The following GCFC2 variants were observed in gnomAD, a reference collection of about 807,000 sequenced individuals.
GCFC2 encodes the protein intron Large complex component GCFC2.
GCFC2 carries 102 observed loss-of-function variants against 99.4 expected under a neutral mutation model. The ratio of observed to expected loss-of-function variants is 1.03; its 90% CI spans 0.87 to 1.21. The LOEUF (loss-of-function observed/expected upper bound fraction) is 1.21. GCFC2 is among the 50% of genes most tolerant of loss of function. The pLI is 0.00. For missense variants in GCFC2, 973 were observed against 920.9 expected (o/e 1.06, Z -0.73); for synonymous variants, 338 against 316.8 (o/e 1.07, Z -0.71).
At chr2:75,711,568 A>G (rs1681184837), upstream of GCFC2, among the ~76,000 whole-genome samples, 1 of 152,240 alleles carries the variant, frequency 6.6e-6, no homozygotes, top group Admixed American at 6.5e-5. Flanking sequence ...GCTACTGCAC[A>G]CCTGTTATCA....
At position 75,666,063 on chromosome 2, in the gene GCFC2, A is replaced by G; in HGVS notation, c.2104-10T>C. The G allele has an allele frequency of 6.3e-7, 1 of 1,597,430 alleles. No individual in the cohort carries two copies. Among genetic ancestry groups the G allele is most frequent in the Non-Finnish European group, 8.5e-7 (1 of 1,171,116 alleles). On this transcript the variant is annotated splice_polypyrimidine_tract_variant and intron_variant, in intron 15 of 16. Coordinates refer to ENST00000321027, the MANE Select transcript of GCFC2 (RefSeq NM_003203.5). The stretch of plus-strand genomic sequence containing the variant: ...GTAGACATGCTGCTACCTGTTAATC[A>G]AAACACATGGCTGGTTTACAATGAC...
chr2:75,710,615 C>G lies in GCFC2; in HGVS notation c.241G>C (p.Ala81Pro). ...WASSRRATKAAPRADEGSESR... is the reference protein window; with the variant it reads ...WASSRRATKAPPRADEGSESR... ...CCTGAGCCTTCGTCCGCGCGGGGAG[C>G]CGCTTTGGTGGCACGCCGGGAGCTC... The change falls in exon 1 of 17, where the codon GCT becomes CCT. Residue 81 changes from alanine to proline, a missense_variant. Coordinates refer to ENST00000321027, the MANE Select transcript of GCFC2 (RefSeq NM_003203.5). The G allele has an allele frequency of 6.6e-7, 1 of 1,514,442 alleles. No homozygotes were observed. The highest frequency in any genetic ancestry group is 8.8e-7 in the Non-Finnish European group (1 of 1,138,264). 93.8% of individuals were successfully genotyped at this position (1,514,442 alleles called of 1,614,324 possible).
At chr2:75,712,819 A>T (rs547565303), upstream of GCFC2, among the ~76,000 whole-genome samples, 230 of 152,304 alleles carry the variant, frequency 1.5e-3, 2 homozygotes, top group Non-Finnish European at 2.7e-3. Context: ...GCTCACCGCG[A>T]GGGTCCGCAG....
chr2:75,669,969 C>G, intron 15 of GCFC2, 169 bp downstream of exon 15: 1 of 455,076 alleles, frequency 2.2e-6, no homozygotes, highest in African/African-American at 2.0e-5. Flanking sequence ...ACGCAATCCG[C>G]CTGCCTCAGC....
chr2:75,669,914 G>A (rs748980287), intron 15 of GCFC2: 63 of 305,284 alleles, frequency 2.1e-4, no homozygotes, highest in Non-Finnish European at 2.8e-4. Context: ...TAGTAGAGAC[G>A]GAGTTTCACC....
upstream of GCFC2, among the ~76,000 whole-genome samples, chr2:75,712,583 C>G (rs1345727930): frequency 1.3e-4 from 20 of 152,178 alleles, no homozygotes; most frequent in Non-Finnish European, 2.8e-4. Context: ...CTCCGGTCCC[C>G]TTCCACAGTG....
intron 4 of GCFC2, among the ~76,000 whole-genome samples, chr2:75,698,414 A>C: frequency 6.6e-6 from 1 of 152,232 alleles, no homozygotes; most frequent in East Asian, 1.9e-4. Flanking sequence ...TCAGATTGCA[A>C]ATAACCTAAA....
chr2:75,674,846 T>C lies in GCFC2; in HGVS notation c.1813-1326A>G, dbSNP rs554707291. Among the ~76,000 whole-genome samples the C allele has an allele frequency of 3.3e-5, 5 of 152,198 alleles. No individual in the cohort carries two copies. In the East Asian group the frequency reaches 9.7e-4, roughly 29 times the overall value. On this transcript the variant is annotated intron_variant, in intron 12 of 16. Coordinates refer to ENST00000321027, the MANE Select transcript of GCFC2 (RefSeq NM_003203.5). Reference sequence around the variant, plus strand: ...CTATAACATATTCCTCAAGTGGCCATATATCAACATTTATTTAATGTTAAA... The same window carrying C: ...CTATAACATATTCCTCAAGTGGCCACATATCAACATTTATTTAATGTTAAA...
chr2:75,699,999 C>T (rs1680510087), intron 4 of GCFC2, among the ~76,000 whole-genome samples: 1 of 151,798 alleles, frequency 6.6e-6, no homozygotes, highest in Non-Finnish European at 1.5e-5. Context: ...CTCCTGGGCT[C>T]AAGCAATCCT....
intron 3 of GCFC2, chr2:75,701,715 ATTAT>A (rs1192937101): frequency 1.9e-5 from 5 of 262,688 alleles, no homozygotes; most frequent in Admixed American, 1.3e-4. Flanking sequence ...TGAAAAAAAT[ATTAT>A]TTAAAGTTAC....
Position 75,667,625 on chromosome 2 carries a change from T to G in GCFC2, c.2104-1572A>C, listed in dbSNP as rs113861694. 2.5e-3 allele frequency among the ~76,000 whole-genome samples: 378 copies of G among 152,334 alleles called. 2 individuals are homozygous for G. The highest frequency in any genetic ancestry group is 0.01 in the Middle Eastern group (3 of 294). ...AAGTTTTAAAACCACCCTTTACTATTGAATGTCATTTGCACTTGTTTTCCC... is the reference window on the plus strand; with the variant it reads ...AAGTTTTAAAACCACCCTTTACTATGGAATGTCATTTGCACTTGTTTTCCC... On this transcript the variant is annotated intron_variant, in intron 15 of 16. Coordinates refer to ENST00000321027, the MANE Select transcript of GCFC2 (RefSeq NM_003203.5).
chr2:75,670,835 G>A (rs1045252600), intron 14 of GCFC2: 6 of 152,586 alleles, frequency 3.9e-5, no homozygotes, highest in African/African-American at 1.4e-4. Context: ...ATTTTAAGGT[G>A]TTTCTTTTTT....
chr2:75,668,183 C>T (rs1023218639), intron 15 of GCFC2, among the ~76,000 whole-genome samples: 2 of 151,860 alleles, frequency 1.3e-5, no homozygotes, highest in African/African-American at 4.8e-5. Context: ...CTCTTTGTAC[C>T]AGGGCCCACT....
intron 4 of GCFC2, among the ~76,000 whole-genome samples, chr2:75,698,299 G>C (rs533688397): frequency 6.6e-6 from 1 of 151,990 alleles, no homozygotes; most frequent in African/African-American, 2.4e-5. Context: ...ACAACTCTTG[G>C]CAATTATTAC....
chr2:75,700,221 C>T (rs1040572480), intron 4 of GCFC2, among the ~76,000 whole-genome samples: 2 of 151,976 alleles, frequency 1.3e-5, no homozygotes, highest in African/African-American at 4.8e-5. Flanking sequence ...ACCAAGACCC[C>T]TATTGTTGGA....
At chr2:75,670,397 T>C in intron 14 of GCFC2, 113 bp from the exon 15 acceptor site, 2 of 648,608 alleles carry the variant, frequency 3.1e-6, no homozygotes, top group African/African-American at 1.8e-5. Flanking sequence ...ATTAGCCCTG[T>C]TGGAACTGTC....
Position 75,671,944 on chromosome 2 carries a change from G to T in GCFC2, c.1956+6C>A. ...TTGCCTTTTCATTTTTGCAGTTTTT[G>T]CTCACCTTTAGGCCTGACCAGAACT... is the stretch of plus-strand genomic sequence containing the variant. On this transcript the variant is annotated splice_donor_region_variant and intron_variant, in intron 14 of 16. Transcript: ENST00000321027. 2.0e-6 allele frequency: 3 copies of T among 1,525,256 alleles called. No individual in the cohort carries two copies. Among genetic ancestry groups the T allele is most frequent in the African/African-American group, 1.4e-5 (1 of 72,858 alleles). 94.5% of individuals were successfully genotyped at this position (1,525,256 alleles called of 1,614,324 possible). A position where few individuals can be genotyped will look rare whatever the true frequency, so the allele number is the denominator to read the frequency against.
At chr2:75,687,063 T>G (rs1352487449) in intron 11 of GCFC2, among the ~76,000 whole-genome samples, 1 of 152,040 alleles carries the variant, frequency 6.6e-6, no homozygotes. Context: ...GCCTCCTGAG[T>G]AGCTGGGATT....
At chr2:75,696,737 G>T (rs1388526636) in intron 4 of GCFC2, among the ~76,000 whole-genome samples, 1 of 152,104 alleles carries the variant, frequency 6.6e-6, no homozygotes, top group East Asian at 1.9e-4. Flanking sequence ...AAAGTAAATG[G>T]AAGTGTGCTG....
Sources: allele counts gnomAD v4.1 joint callset (sites outside exome capture counted in the v4.1 genomes callset), GRCh38; gene constraint gnomAD v4.1.1; transcripts MANE v1.5; gene names NCBI Gene and HGNC (gene_info 2026-07-23, HGNC 2026-07-21).